The following HCRTR2 variants were observed in gnomAD, a reference collection of about 807,000 sequenced individuals.
HCRTR2 encodes hypocretin receptor 2.
A neutral mutation model predicts 49.0 loss-of-function variants in HCRTR2; 22 were observed. The ratio of observed to expected loss-of-function variants is 0.45; its 90% CI spans 0.32 to 0.64. The LOEUF (loss-of-function observed/expected upper bound fraction) is 0.64. Among genes scored for constraint, HCRTR2 ranks in the 30% least tolerant of loss-of-function variants. The pLI is 0.04. For synonymous variants in HCRTR2, 236 were observed against 205.3 expected, an observed-to-expected ratio of 1.15 and a Z score of -1.28; for missense variants, 491 against 559.4, an observed-to-expected ratio of 0.88 and a Z score of 1.23.
intron 1 of HCRTR2, among the ~76,000 whole-genome samples, chr6:55,223,540 G>A (rs930319564): frequency 3.9e-5 from 6 of 152,138 alleles, no homozygotes; most frequent in Non-Finnish European, 8.8e-5. Flanking sequence ...TTTTCGATTG[G>A]TAGAGGGAAG....
intron 4 of HCRTR2, among the ~76,000 whole-genome samples, chr6:55,269,200 T>G (rs1766923875): frequency 6.6e-6 from 1 of 151,418 alleles, no homozygotes; most frequent in Admixed American, 6.6e-5. Context: ...TTTAGAACAC[T>G]CCACCAAAAA....
intron 1 of HCRTR2, among the ~76,000 whole-genome samples, chr6:55,126,361 T>C (rs1441046649): frequency 2.0e-5 from 3 of 152,200 alleles, no homozygotes; most frequent in Admixed American, 2.0e-4. Flanking sequence ...CAGGCCCCTC[T>C]TCAGCAGGTC....
intron 1 of HCRTR2, among the ~76,000 whole-genome samples, chr6:55,236,192 T>C (rs1404647449): frequency 6.6e-6 from 1 of 152,030 alleles, no homozygotes; most frequent in Non-Finnish European, 1.5e-5. Flanking sequence ...TATTTTACAG[T>C]GCAGAAATCA....
At chr6:55,195,698 G>A (rs1411110965) in intron 1 of HCRTR2, among the ~76,000 whole-genome samples, 6 of 152,230 alleles carry the variant, frequency 3.9e-5, no homozygotes, top group East Asian at 1.9e-4. Context: ...ATGGCCGGGC[G>A]TGGTGGCTCA....
chr6:55,134,359 A>C (rs1048585387), intron 1 of HCRTR2, among the ~76,000 whole-genome samples: 5 of 151,868 alleles, frequency 3.3e-5, no homozygotes, highest in African/African-American at 9.7e-5. Flanking sequence ...ATAATTGGCA[A>C]AAAATTTATA....
At chr6:55,145,158 A>T (rs1359050597) in intron 1 of HCRTR2, among the ~76,000 whole-genome samples, 4 of 152,024 alleles carry the variant, frequency 2.6e-5, no homozygotes, top group Admixed American at 2.0e-4. Context: ...TTACTCATTT[A>T]CCTTGTCTTC....
chr6:55,165,167 T>C (rs9396053), intron 1 of HCRTR2, among the ~76,000 whole-genome samples: 1,662 of 151,962 alleles, frequency 0.011, 10 homozygotes, highest in East Asian at 0.03. Context: ...ACCTACAGGA[T>C]CTAGAAAATA....
chr6:55,217,689 A>G (rs999673179), intron 1 of HCRTR2, among the ~76,000 whole-genome samples: 1 of 152,108 alleles, frequency 6.6e-6, no homozygotes, highest in Non-Finnish European at 1.5e-5. Flanking sequence ...GGCCATAATC[A>G]CTTAAATAAT....
intron 1 of HCRTR2, among the ~76,000 whole-genome samples, chr6:55,126,513 G>T (rs1764280431): frequency 6.6e-6 from 1 of 152,156 alleles, no homozygotes; most frequent in African/African-American, 2.4e-5. Context: ...GCCAGCCAGA[G>T]CTCTCCTGTA....
chr6:55,127,176 G>A (rs1764292670), intron 1 of HCRTR2, among the ~76,000 whole-genome samples: 1 of 152,090 alleles, frequency 6.6e-6, no homozygotes, highest in Non-Finnish European at 1.5e-5. Flanking sequence ...CAAGTTTTGT[G>A]CTTGAAACCC....
chr6:55,140,782 T>G (rs560333752), intron 1 of HCRTR2, among the ~76,000 whole-genome samples: 2 of 152,324 alleles, frequency 1.3e-5, no homozygotes, highest in East Asian at 1.9e-4. Flanking sequence ...ATTCCAATTT[T>G]TTTCTACTGA....
intron 1 of HCRTR2, among the ~76,000 whole-genome samples, chr6:55,231,328 G>A (rs1333311430): frequency 2.0e-5 from 3 of 152,054 alleles, no homozygotes; most frequent in Admixed American, 2.0e-4. Flanking sequence ...AATTAAACAT[G>A]TGAAGGGAGA....
At chr6:55,183,526 C>T (rs889622071) in intron 1 of HCRTR2, among the ~76,000 whole-genome samples, 2 of 152,162 alleles carry the variant, frequency 1.3e-5, no homozygotes, top group African/African-American at 4.8e-5. Context: ...TAGGCTTTGA[C>T]ACTGTTGTTT....
At chr6:55,273,979 TTAAAAAAGAA>T (rs150864320) in intron 4 of HCRTR2, among the ~76,000 whole-genome samples, 12,673 of 151,940 alleles carry the variant, frequency 0.083, 810 homozygotes, top group South Asian at 0.27. Context: ...CAACCAAAGT[TTAAAAAAGAA>T]TAAATTCTTT....
chr6:55,166,418 A>G (rs538645178), intron 1 of HCRTR2, among the ~76,000 whole-genome samples: 2 of 149,046 alleles, frequency 1.3e-5, no homozygotes, highest in Non-Finnish European at 3.0e-5. Flanking sequence ...TTTTTTTTTT[A>G]TAAGTTTGGT....
chr6:55,256,600 A>T (rs1371218688), intron 3 of HCRTR2, among the ~76,000 whole-genome samples: 1 of 151,764 alleles, frequency 6.6e-6, no homozygotes, highest in Admixed American at 6.6e-5. Flanking sequence ...TTTTATTGGG[A>T]TTTACTTTTC....
chr6:55,141,790 TA>T (rs1764511481), intron 1 of HCRTR2, among the ~76,000 whole-genome samples: 1 of 152,110 alleles, frequency 6.6e-6, no homozygotes, highest in South Asian at 2.1e-4. Flanking sequence ...GAAAATATAT[TA>T]GGGGTGACTA....
chr6:55,251,854 G>A (rs1244878430), intron 2 of HCRTR2, among the ~76,000 whole-genome samples: 1 of 151,906 alleles, frequency 6.6e-6, no homozygotes, highest in Non-Finnish European at 1.5e-5. Flanking sequence ...GCAGAAGAAA[G>A]TTCCCATTAT....
At chr6:55,129,703 G>A (rs1231413502) in intron 1 of HCRTR2, among the ~76,000 whole-genome samples, 1 of 151,678 alleles carries the variant, frequency 6.6e-6, no homozygotes, top group East Asian at 1.9e-4. Context: ...CACTTATCTG[G>A]TTCTCCTGAT....
Sources: gnomAD v4.1 joint callset for allele counts (sites outside exome capture counted in the v4.1 genomes callset) on GRCh38, gnomAD v4.1.1 for gene constraint, MANE v1.5 for transcripts, NCBI Gene and HGNC (gene_info 2026-07-23, HGNC 2026-07-21) for gene names.